The following CHRDL1 variants were observed in gnomAD, a reference collection of about 807,000 sequenced individuals.
The protein encoded by CHRDL1 is chordin like 1.
Under a neutral mutation model 40.9 loss-of-function variants are expected in CHRDL1, and 19 were observed. The observed-to-expected ratio is 0.46, with a 90% CI of 0.32 to 0.68. The LOEUF (loss-of-function observed/expected upper bound fraction) is 0.68, where lower values mean the gene tolerates loss of function less well. Among genes scored for constraint, CHRDL1 ranks in the 30% least tolerant of loss-of-function variants. The pLI is 0.03. For missense variants in CHRDL1, 329 were observed against 352.1 expected (o/e 0.93, Z 0.53); for synonymous variants, 136 against 123.4 (o/e 1.10, Z -0.68).
intron 6 of CHRDL1, among the ~76,000 whole-genome samples, chrX:110,710,083 A>G (rs1401693666): frequency 8.9e-6 from 1 of 112,087 alleles, no homozygotes; most frequent in Non-Finnish European, 1.9e-5. Context: ...GACAGAGAGG[A>G]GAAACTCAAT....
chrX:110,696,477 T>G (rs1277295878), intron 7 of CHRDL1, among the ~76,000 whole-genome samples: 3 of 109,562 alleles, frequency 2.7e-5, no homozygotes, highest in Admixed American at 9.8e-5. Context: ...AGATTGAGTT[T>G]TTGGAGATGG....
chrX:110,761,952 T>C (rs777631588), intron 3 of CHRDL1, among the ~76,000 whole-genome samples: 27 of 112,764 alleles, frequency 2.4e-4, no homozygotes, highest in Non-Finnish European at 4.5e-4. Flanking sequence ...TCAGTCTTAA[T>C]TACAGTTATT....
chrX:110,733,350 C>T (rs184874801), intron 4 of CHRDL1, among the ~76,000 whole-genome samples: 11 of 111,175 alleles, frequency 9.9e-5, no homozygotes, highest in African/African-American at 3.3e-4. Context: ...CTAAAGAATG[C>T]TCTACCTCTG....
chrX:110,793,066 A>T (rs1038816453), intron 1 of CHRDL1, among the ~76,000 whole-genome samples: 4 of 112,319 alleles, frequency 3.6e-5, no homozygotes, highest in Non-Finnish European at 7.5e-5. Context: ...CTAGTCACGG[A>T]TCATTTCCAC....
At chrX:110,792,914 T>G (rs775663451) in intron 1 of CHRDL1, among the ~76,000 whole-genome samples, 1 of 112,231 alleles carries the variant, frequency 8.9e-6, no homozygotes, top group African/African-American at 3.2e-5. Flanking sequence ...AATAGATAAT[T>G]TGTTCACCTT....
chrX:110,786,221 A>G (rs2090015074), intron 2 of CHRDL1, among the ~76,000 whole-genome samples: 1 of 112,262 alleles, frequency 8.9e-6, no homozygotes, highest in African/African-American at 3.2e-5. Context: ...TATAAATGCT[A>G]TAATCTACTA....
chrX:110,733,931 CAAAAA>C (rs1172760631), intron 4 of CHRDL1, among the ~76,000 whole-genome samples: 1 of 12,127 alleles, frequency 8.2e-5, no homozygotes, highest in South Asian at 4.4e-3. Context: ...AACTCTGTCT[CAAAAA>C]AAAAAAAAAA....
At chrX:110,735,448 A>G (rs761880722) in intron 4 of CHRDL1, among the ~76,000 whole-genome samples, 2 of 111,799 alleles carry the variant, frequency 1.8e-5, no homozygotes, top group Non-Finnish European at 3.8e-5. Flanking sequence ...CCTGCACCAC[A>G]TCAAAACCTA....
intron 4 of CHRDL1, 90 bp from the exon 5 acceptor site, chrX:110,721,620 T>A (rs1014080415): frequency 2.1e-5 from 16 of 761,185 alleles, no homozygotes; most frequent in African/African-American, 1.7e-4. Context: ...CTGTACTACA[T>A]AGAGGGAGTT....
At chrX:110,699,325 T>G (rs1251882799) in intron 7 of CHRDL1, among the ~76,000 whole-genome samples, 1 of 111,550 alleles carries the variant, frequency 9.0e-6, no homozygotes, top group Non-Finnish European at 1.9e-5. Context: ...TCAGCAGCAC[T>G]GTGATGTTTG....
In CHRDL1 at chrX:110,785,469, T is replaced by C. The variant is rs537398807; in HGVS notation, c.94+6619A>G. ...ATGAGGAATTACCTATTGGATACAA[T>C]GTACACAATTCGGGTGATGGCTACA... On this transcript the variant is annotated intron_variant, in intron 2 of 11. Transcript: ENST00000372042. Among the ~76,000 whole-genome samples, 17 of 111,792 alleles carry C rather than the reference T, an allele frequency of 1.5e-4. No individual in the cohort carries two copies. The South Asian group carries it at 5.6e-3, about 37-fold the overall frequency.
At chrX:110,783,326 C>T (rs557219912) in intron 2 of CHRDL1, among the ~76,000 whole-genome samples, 11 of 111,605 alleles carry the variant, frequency 9.9e-5, no homozygotes, top group African/African-American at 3.6e-4. Context: ...TCCAAAAGTG[C>T]TGGAACACCA....
At chrX:110,681,339 G>C in intron 10 of CHRDL1, 143 bp downstream of exon 10, 1 of 503,310 alleles carries the variant, frequency 2.0e-6, no homozygotes, top group Non-Finnish European at 3.4e-6. Flanking sequence ...AATGACAATA[G>C]TGTTAGATAT....
chrX:110,759,662 TGGGCAGCGA>T lies in CHRDL1; in HGVS notation c.291_299del (p.Arg98_Pro100del). 8.5e-7 allele frequency: 1 copy of T among 1,179,640 alleles called. No homozygotes were observed. The highest frequency in any genetic ancestry group is 1.2e-6 in the Non-Finnish European group (1 of 866,394). On this transcript the variant is annotated inframe_deletion and splice_region_variant, in exon 4 of 12. Coordinates refer to ENST00000372042, the MANE Select transcript of CHRDL1 (RefSeq NM_001143981.2). ...AAAGAAAGAGACAAATTGCTTTACC[TGGGCAGCGA>T]GGGCAGCACAGATGAGGAATATGCA...
At chrX:110,768,044 G>T (rs1476474730) in intron 2 of CHRDL1, among the ~76,000 whole-genome samples, 1 of 112,049 alleles carries the variant, frequency 8.9e-6, no homozygotes, top group Non-Finnish European at 1.9e-5. Context: ...GATAAAGGGA[G>T]CATATCATGT....
intron 4 of CHRDL1, among the ~76,000 whole-genome samples, chrX:110,731,739 A>C (rs745535075): frequency 6.3e-5 from 7 of 111,711 alleles, no homozygotes; most frequent in Non-Finnish European, 1.1e-4. Flanking sequence ...AATTCCATTT[A>C]CATTAAATGT....
At chrX:110,771,606 G>T (rs2089761287) in intron 2 of CHRDL1, among the ~76,000 whole-genome samples, 4 of 112,197 alleles carry the variant, frequency 3.6e-5, no homozygotes, top group African/African-American at 1.3e-4. Flanking sequence ...CACAGATGCA[G>T]AAAAATCATT....
chrX:110,689,709 A>G lies in CHRDL1; in HGVS notation c.779-906T>C, dbSNP rs1403461063. Among the ~76,000 whole-genome samples the G allele has an allele frequency of 7.3e-4, 22 of 30,303 alleles. 5 individuals carry two copies. The African/African-American group carries it at 0.011, about 16-fold the overall frequency. The allele number at this position is 30,303 out of a possible 115,157, so 26.3% of individuals were successfully genotyped here. A position where few individuals can be genotyped will look rare whatever the true frequency, so the allele number is the denominator to read the frequency against. ...TATATATCTATATATCTATATATCT[A>G]TATATATATCTATATATATCTATAT... On this transcript the variant is annotated intron_variant, in intron 8 of 11. Coordinates refer to ENST00000372042, the MANE Select transcript of CHRDL1 (RefSeq NM_001143981.2).
chrX:110,789,017 C>T (rs923735957), intron 2 of CHRDL1, among the ~76,000 whole-genome samples: 3 of 110,746 alleles, frequency 2.7e-5, no homozygotes, highest in Middle Eastern at 4.6e-3. Flanking sequence ...GATCTGACTA[C>T]GTAAAATTTT....
Sources: gnomAD v4.1 joint callset for allele counts (sites outside exome capture counted in the v4.1 genomes callset) on GRCh38, gnomAD v4.1.1 for gene constraint, MANE v1.5 for transcripts, NCBI Gene and HGNC (gene_info 2026-07-23, HGNC 2026-07-21) for gene names.